The following SHISA9 variants were observed in gnomAD, a reference collection of about 807,000 sequenced individuals.
SHISA9 encodes the protein shisa family member 9, also known as protein shisa-9.
In SHISA9, 13 loss-of-function variants were observed where a neutral mutation model predicts 38.0. The ratio of observed to expected loss-of-function variants is 0.34; its 90% CI spans 0.22 to 0.54. SHISA9 has a LOEUF of 0.54. Ranked by LOEUF, SHISA9 falls within the 20% of genes least tolerant of loss-of-function variation. SHISA9 has a pLI of 0.91. For missense variants in SHISA9, 538 were observed against 575.8 expected (o/e 0.93, Z 0.67); for synonymous variants, 275 against 242.0 (o/e 1.14, Z -1.27).
intron 2 of SHISA9, among the ~76,000 whole-genome samples, chr16:13,066,959 G>T (rs1596623261): frequency 1.3e-5 from 2 of 152,152 alleles, no homozygotes; most frequent in East Asian, 3.9e-4. Flanking sequence ...TGGTTTTGGG[G>T]AAAGTATTTC....
At chr16:13,166,751 G>T (rs1276404881) in intron 2 of SHISA9, among the ~76,000 whole-genome samples, 1 of 152,150 alleles carries the variant, frequency 6.6e-6, no homozygotes, top group African/African-American at 2.4e-5. Flanking sequence ...GAAGGTACTG[G>T]TGATCTTCAC....
At chr16:13,036,517 T>A (rs566246859) in intron 2 of SHISA9, among the ~76,000 whole-genome samples, 39 of 151,936 alleles carry the variant, frequency 2.6e-4, no homozygotes, top group Non-Finnish European at 5.1e-4. Flanking sequence ...CTTTCTGGGG[T>A]GATGGAAATA....
chr16:13,361,229 G>A, the SHISA9 span, among the ~76,000 whole-genome samples: 1 of 152,004 alleles, frequency 6.6e-6, no homozygotes, highest in African/African-American at 2.4e-5. Flanking sequence ...ATTTTTAGGG[G>A]AATGGGGTTG....
chr16:13,317,496 C>T, the SHISA9 span, among the ~76,000 whole-genome samples: 4 of 152,090 alleles, frequency 2.6e-5, no homozygotes, highest in Non-Finnish European at 5.9e-5. Context: ...TACATGTGCA[C>T]AACATGCAGG....
At chr16:13,354,515 G>A in the SHISA9 span, among the ~76,000 whole-genome samples, 3 of 150,862 alleles carry the variant, frequency 2.0e-5, no homozygotes, top group African/African-American at 7.3e-5. Flanking sequence ...TACAGCTGAA[G>A]GAGCCAGGGA....
chr16:13,030,614 G>A (rs1259547208), intron 2 of SHISA9, among the ~76,000 whole-genome samples: 1 of 152,200 alleles, frequency 6.6e-6, no homozygotes, highest in Non-Finnish European at 1.5e-5. Context: ...ACATCAGTGA[G>A]TTGAAACATC....
the SHISA9 span, among the ~76,000 whole-genome samples, chr16:13,328,591 T>C: frequency 5.0e-5 from 7 of 139,968 alleles, no homozygotes; most frequent in South Asian, 2.5e-4. Context: ...TATATGTGTA[T>C]ACACACACAC....
At position 13,239,681 on chromosome 16, in the gene SHISA9, G is replaced by A. The variant is rs1401507062; in HGVS notation, c.*4272G>A. ...CCTTCGCCCACTTTTTGATGGGGTT[G>A]TTTGTTTTTTTCTTGTAAATTTGTT... On this transcript the variant is annotated 3_prime_UTR_variant, in exon 5 of 5. Transcript: ENST00000558583. The A allele has an allele frequency of 2.0e-5, 3 of 152,136 alleles. No individual in the cohort carries two copies. Among genetic ancestry groups the A allele is most frequent in the African/African-American group, 4.8e-5 (2 of 41,416 alleles). 9.4% of individuals were successfully genotyped at this position (152,136 alleles called of 1,614,324 possible).
chr16:13,457,061 C>A, the SHISA9 span, among the ~76,000 whole-genome samples: 1 of 152,258 alleles, frequency 6.6e-6, no homozygotes, highest in South Asian at 2.1e-4. Context: ...AATCCCAGCA[C>A]TTTGGGAGGC....
the SHISA9 span, among the ~76,000 whole-genome samples, chr16:13,553,178 G>A: frequency 6.6e-6 from 1 of 152,150 alleles, no homozygotes; most frequent in African/African-American, 2.4e-5. Context: ...ATTAAATGAT[G>A]TGTTTTAGTT....
chr16:13,544,642 C>A, the SHISA9 span, among the ~76,000 whole-genome samples: 4 of 151,830 alleles, frequency 2.6e-5, no homozygotes, highest in Non-Finnish European at 5.9e-5. Context: ...AGTTTGGAGC[C>A]TTGTAGAATA....
intron 2 of SHISA9, among the ~76,000 whole-genome samples, chr16:12,956,058 C>T (rs1232572205): frequency 6.6e-6 from 1 of 152,124 alleles, no homozygotes; most frequent in African/African-American, 2.4e-5. Flanking sequence ...AACAACTCAA[C>T]AAGAAACAAA....
At chr16:13,211,956 G>A (rs1262985265) in intron 3 of SHISA9, among the ~76,000 whole-genome samples, 1 of 152,150 alleles carries the variant, frequency 6.6e-6, no homozygotes, top group Non-Finnish European at 1.5e-5. Context: ...GGGTGGGCCC[G>A]ACTCAGTTTT....
At chr16:13,379,175 G>A in the SHISA9 span, among the ~76,000 whole-genome samples, 1 of 152,150 alleles carries the variant, frequency 6.6e-6, no homozygotes, top group Non-Finnish European at 1.5e-5. Flanking sequence ...GAGGATGTGG[G>A]CCATGGTGAG....
intron 2 of SHISA9, among the ~76,000 whole-genome samples, chr16:13,198,839 T>A (rs1290773812): frequency 6.6e-6 from 1 of 152,232 alleles, no homozygotes; most frequent in Non-Finnish European, 1.5e-5. Context: ...TGGTTCTTAA[T>A]GTGAAACTGG....
intron 2 of SHISA9, among the ~76,000 whole-genome samples, chr16:13,086,915 C>T (rs762354510): frequency 2.6e-5 from 4 of 151,988 alleles, no homozygotes; most frequent in Non-Finnish European, 5.9e-5. Flanking sequence ...CCGCACCCAT[C>T]AACTTATCAT....
At chr16:13,047,472 A>G (rs1411794694) in intron 2 of SHISA9, among the ~76,000 whole-genome samples, 1 of 152,188 alleles carries the variant, frequency 6.6e-6, no homozygotes, top group African/African-American at 2.4e-5. Context: ...TAGGCAATGG[A>G]AAGAAGTTTG....
intron 2 of SHISA9, among the ~76,000 whole-genome samples, chr16:12,939,966 C>T (rs2071587482): frequency 6.6e-6 from 1 of 152,270 alleles, no homozygotes; most frequent in Admixed American, 6.5e-5. Flanking sequence ...GGTCCTGAGG[C>T]CATATTTTCA....
intron 1 of SHISA9, chr16:12,908,500 T>A (rs2071134337): frequency 1.0e-5 from 16 of 1,552,328 alleles, no homozygotes; most frequent in Non-Finnish European, 1.3e-5. Context: ...ATCTGCTGTT[T>A]ATGGAGGCAC....
Sources: gnomAD v4.1 joint callset for allele counts (sites outside exome capture counted in the v4.1 genomes callset) on GRCh38, gnomAD v4.1.1 for gene constraint, MANE v1.5 for transcripts, NCBI Gene and HGNC (gene_info 2026-07-23, HGNC 2026-07-21) for gene names.